The following SLC16A5 variants were observed in gnomAD, a reference collection of about 807,000 sequenced individuals.
The protein encoded by SLC16A5 is monocarboxylate transporter 6.
Under a neutral mutation model 33.2 loss-of-function variants are expected in SLC16A5, and 29 were observed. That is an observed-to-expected ratio of 0.87 (90% confidence interval 0.65 to 1.19). The LOEUF is 1.19. Among genes scored for constraint, SLC16A5 ranks in the 50% most tolerant of loss-of-function variants. SLC16A5 has a pLI of 0.00. For synonymous variants in SLC16A5, 248 were observed against 284.1 expected, an observed-to-expected ratio of 0.87 and a Z score of 1.28; for missense variants, 606 against 678.2, an observed-to-expected ratio of 0.89 and a Z score of 1.18.
chr17:75,106,185 G>A, downstream of SLC16A5: 2 of 481,510 alleles, frequency 4.2e-6, no homozygotes, highest in Non-Finnish European at 3.7e-6. Flanking sequence ...GTTTGGATGA[G>A]CTAGTCTCTT....
At chr17:75,104,616 TA>T in intron 6 of SLC16A5, 1 of 570,280 alleles carries the variant, frequency 1.8e-6, no homozygotes, top group Non-Finnish European at 2.2e-6. Flanking sequence ...CACTCCCGGC[TA>T]ATTTTGTCTT....
intron 6 of SLC16A5, 72 bp from the exon 7 acceptor site, chr17:75,105,808 G>A (rs1390362119): frequency 3.0e-5 from 44 of 1,472,642 alleles, no homozygotes; most frequent in Non-Finnish European, 3.9e-5. Flanking sequence ...GGTTCAGGAT[G>A]TTGTTTGTTG....
At chr17:75,097,033 T>C (rs1411591591) in intron 3 of SLC16A5, among the ~76,000 whole-genome samples, 61 of 134,226 alleles carry the variant, frequency 4.5e-4, no homozygotes, top group South Asian at 1.2e-3. Context: ...ACCATGTTGG[T>C]CAGGCTGGTC....
rs150502380 is a variant in SLC16A5, at chr17:75,104,144, A to G, written c.1328A>G (p.Lys443Arg). 1.6e-5 allele frequency: 26 copies of G among 1,614,054 alleles called. No homozygotes were observed. Among genetic ancestry groups the G allele is most frequent in the Non-Finnish European group, 2.1e-5 (25 of 1,180,032 alleles). ...ALERDLFLEA[K>R]DGPGKQRSPE... The stretch of plus-strand genomic sequence containing the variant: ...GAGCGGGATCTTTTCTTGGAAGCCA[A>G]AGACGGTCCTGGGAAGCAACGGTCC... Residue 443 changes from lysine to arginine, a missense_variant, in exon 6 of 7, where the codon AAA (lysine) becomes AGA (arginine). Physicochemically the swap from Lys to Arg is conservative, Grantham distance 26 (BLOSUM62 2). Transcript: ENST00000329783.
intron 2 of SLC16A5, among the ~76,000 whole-genome samples, chr17:75,091,553 G>A (rs558360951): frequency 1.3e-5 from 2 of 152,192 alleles, no homozygotes; most frequent in African/African-American, 2.4e-5. Flanking sequence ...CTGGGAGGGC[G>A]GAGGATTGGA....
intron 4 of SLC16A5, among the ~76,000 whole-genome samples, chr17:75,099,789 G>C (rs2073766268): frequency 3.9e-5 from 6 of 152,196 alleles, no homozygotes; most frequent in Admixed American, 3.9e-4. Context: ...GGGGAACAGG[G>C]ATGCCCTGGC....
chr17:75,106,107 A>G lies in SLC16A5; in HGVS notation c.*74A>G, dbSNP rs1391461290. On this transcript the variant is annotated 3_prime_UTR_variant, in exon 7 of 7. Coordinates refer to ENST00000329783, the MANE Select transcript of SLC16A5 (RefSeq NM_004695.4). ...GTTGACCACCTCTGAGCCTTGAAAA[A>G]GTAGGAGGTTACTTTGTTAGAGCAA... 1 of 654,362 alleles carries G rather than the reference A, an allele frequency of 1.5e-6. No individual in the cohort carries two copies. The highest frequency in any genetic ancestry group is 2.5e-6 in the Non-Finnish European group (1 of 404,512). The allele number at this position is 654,362 out of a possible 1,614,324, so 40.5% of individuals were successfully genotyped here.
intron 4 of SLC16A5, among the ~76,000 whole-genome samples, chr17:75,098,399 C>A (rs1464467798): frequency 6.6e-6 from 1 of 151,854 alleles, no homozygotes; most frequent in Non-Finnish European, 1.5e-5. Flanking sequence ...CCTGTCTATA[C>A]TAAAAAAAAT....
chr17:75,099,891 G>A (rs1337797454), intron 4 of SLC16A5, 116 bp from the exon 5 acceptor site: 7 of 975,384 alleles, frequency 7.2e-6, no homozygotes, highest in Non-Finnish European at 1.0e-5. Flanking sequence ...CTTGGAGCTG[G>A]GTATGGACTA....
intron 5 of SLC16A5, among the ~76,000 whole-genome samples, chr17:75,103,484 C>A (rs998859908): frequency 6.6e-6 from 1 of 151,746 alleles, no homozygotes; most frequent in African/African-American, 2.4e-5. Context: ...TACCTGCCCC[C>A]ACACCTGTCT....
chr17:75,106,047 C>A lies in SLC16A5; in HGVS notation c.*14C>A. 7.3e-7 allele frequency: 1 copy of A among 1,370,400 alleles called. No individual in the cohort carries two copies. The highest frequency in any genetic ancestry group is 1.0e-6 in the Non-Finnish European group (1 of 985,754). The allele number at this position is 1,370,400 out of a possible 1,614,324, so 84.9% of individuals were successfully genotyped here. A position where few individuals can be genotyped will look rare whatever the true frequency, so the allele number is the denominator to read the frequency against. On this transcript the variant is annotated 3_prime_UTR_variant, in exon 7 of 7. Transcript: ENST00000329783. ...AGCCCTACCTGAGTGCCCTGTTTGA[C>A]TCCGCCACTATCTGCCATGTGAGTT...
chr17:75,107,807 G>A (rs576047487), downstream of SLC16A5, among the ~76,000 whole-genome samples: 287 of 152,212 alleles, frequency 1.9e-3, 1 homozygote, highest in African/African-American at 6.2e-3. Flanking sequence ...CGTCGTGGCG[G>A]GTGCCTGTAG....
chr17:75,094,232 C>T (rs891357207), intron 3 of SLC16A5, among the ~76,000 whole-genome samples: 2 of 152,230 alleles, frequency 1.3e-5, no homozygotes, highest in Admixed American at 6.5e-5. Context: ...GGGTGATGCC[C>T]GGCATCCTGC....
chr17:75,094,385 G>A (rs543075287), intron 3 of SLC16A5, among the ~76,000 whole-genome samples: 17 of 152,282 alleles, frequency 1.1e-4, no homozygotes, highest in African/African-American at 3.6e-4. Flanking sequence ...GAAAGGGGAC[G>A]CAAGGAAGAC....
At position 75,100,890 on chromosome 17, in the gene SLC16A5, C is replaced by A. The variant is rs115523466; in HGVS notation, c.1153+74C>A. The A allele has an allele frequency of 9.0e-6, 12 of 1,333,102 alleles. No individual in the cohort carries two copies. The South Asian group carries it at 1.4e-4, about 16-fold the overall frequency. 82.6% of individuals were successfully genotyped at this position (1,333,102 alleles called of 1,614,324 possible). On this transcript the variant is annotated intron_variant, in intron 5 of 6. Coordinates refer to ENST00000329783, the MANE Select transcript of SLC16A5 (RefSeq NM_004695.4). ...CAGTTTAGACAGATCTGGGCCCAGT[C>A]CAGCATCTCCAGAGGTTGTGCTACA...
At chr17:75,090,870 C>T (rs1439257720) in intron 2 of SLC16A5, among the ~76,000 whole-genome samples, 9 of 152,066 alleles carry the variant, frequency 5.9e-5, no homozygotes, top group Non-Finnish European at 8.8e-5. Flanking sequence ...TGAAAGGTTC[C>T]GGAGGGAAGG....
Position 75,105,345 on chromosome 17 carries a change from C to T in SLC16A5, c.1365-535C>T, listed in dbSNP as rs182623973. The T allele has an allele frequency of 8.1e-6, 8 of 985,422 alleles. No individual in the cohort carries two copies. In the Admixed American group the frequency reaches 1.8e-4, roughly 23 times the overall value. 61.0% of individuals were successfully genotyped at this position (985,422 alleles called of 1,614,324 possible). A position where few individuals can be genotyped will look rare whatever the true frequency, so the allele number is the denominator to read the frequency against. On this transcript the variant is annotated intron_variant, in intron 6 of 6. Transcript: ENST00000329783. ...CAGGTGGGGGAAGCCAGACATTTGA[C>T]TGACGGGAGAGGAAGGCTTGCCAGG...
In SLC16A5 at chr17:75,099,874, C is replaced by A; in HGVS notation, c.344-133C>A. The A allele has an allele frequency of 3.5e-6, 3 of 861,998 alleles. No individual in the cohort carries two copies. The Admixed American group carries it at 8.6e-5, about 25-fold the overall frequency. 53.4% of individuals were successfully genotyped at this position (861,998 alleles called of 1,614,324 possible). On this transcript the variant is annotated intron_variant, in intron 4 of 6. Coordinates refer to ENST00000329783, the MANE Select transcript of SLC16A5 (RefSeq NM_004695.4). The stretch of plus-strand genomic sequence containing the variant: ...GGCCAGCTGATTCCATGGTCAGTCC[C>A]CAGGGACTTGGAGCTGGGTATGGAC...
rs114487026 is a variant in SLC16A5 at position 75,100,089 on chromosome 17, G to A, written c.426G>A (p.Ala142=). ...TCCGCCGGCGGGTGCTGGCCAACGCGCTGGCCTCGATGGGCGTCTCCCTGG... is the reference window on the plus strand; with the variant it reads ...TCCGCCGGCGGGTGCTGGCCAACGCACTGGCCTCGATGGGCGTCTCCCTGG... The part of the protein sequence containing the change: ...YFVRRRVLAN[A]LASMGVSLGI... Residue 142 remains alanine (A), a synonymous_variant, in exon 5 of 7, where the codon GCG becomes GCA. Transcript: ENST00000329783. 77 of 1,613,764 alleles carry A rather than the reference G, an allele frequency of 4.8e-5. No homozygotes were observed. The highest frequency in any genetic ancestry group is 9.3e-5 in the African/African-American group (7 of 74,932).
Sources: gnomAD v4.1 joint callset for allele counts (sites outside exome capture counted in the v4.1 genomes callset) on GRCh38, gnomAD v4.1.1 for gene constraint, MANE v1.5 for transcripts, NCBI Gene and HGNC (gene_info 2026-07-23, HGNC 2026-07-21) for gene names.